CCSER1: variants seen among roughly 807,000 people sequenced by gnomAD.
The protein encoded by CCSER1 is serine-rich coiled-coil domain-containing protein 1.
In CCSER1, 41 loss-of-function variants were observed where a neutral mutation model predicts 82.0. That is an observed-to-expected ratio of 0.50 (90% CI 0.39 to 0.65). The LOEUF (loss-of-function observed/expected upper bound fraction) is 0.65. CCSER1 is among the 30% of genes least tolerant of loss of function. The pLI is 0.00. For synonymous variants in CCSER1, 414 were observed against 383.9 expected, an observed-to-expected ratio of 1.08 and a Z score of -0.92; for missense variants, 1,119 against 1,064.2, an observed-to-expected ratio of 1.05 and a Z score of -0.72.
intron 5 of CCSER1, among the ~76,000 whole-genome samples, chr4:90,591,689 C>T (rs1018195744): frequency 5.3e-5 from 8 of 152,082 alleles, no homozygotes; most frequent in Non-Finnish European, 8.8e-5. Flanking sequence ...ACTGGGTATA[C>T]ACCCAAAGGG....
chr4:90,211,100 G>A (rs917721351), intron 1 of CCSER1, among the ~76,000 whole-genome samples: 35 of 152,054 alleles, frequency 2.3e-4, no homozygotes, highest in African/African-American at 8.2e-4. Flanking sequence ...ACAATGATAG[G>A]GAACTTAGTA....
intron 5 of CCSER1, among the ~76,000 whole-genome samples, chr4:90,553,299 A>G (rs1479687641): frequency 6.6e-6 from 1 of 152,182 alleles, no homozygotes; most frequent in African/African-American, 2.4e-5. Flanking sequence ...CTTTAATTAA[A>G]TATTGGTGGT....
At chr4:91,464,309 A>G (rs1756718693) in intron 10 of CCSER1, among the ~76,000 whole-genome samples, 1 of 152,182 alleles carries the variant, frequency 6.6e-6, no homozygotes, top group Admixed American at 6.5e-5. Flanking sequence ...ATGCTGAGAG[A>G]TTTTGTCACC....
Position 91,004,544 on chromosome 4 carries a change from C to A in CCSER1, c.2172+81097C>A, listed in dbSNP as rs146861591. On this transcript the variant is annotated intron_variant, in intron 9 of 10. Transcript: ENST00000509176. ...GTCAGTGTAATTACTTTCTTGAGTT[C>A]TATGTGCATGGCAAATGAAAAATAA... Among the ~76,000 whole-genome samples, 10 of 152,252 alleles carry A rather than the reference C, an allele frequency of 6.6e-5. No individual in the cohort carries two copies. The East Asian group carries it at 1.9e-3, about 29-fold the overall frequency.
chr4:90,644,114 T>G (rs1727058650), intron 6 of CCSER1, among the ~76,000 whole-genome samples: 1 of 152,170 alleles, frequency 6.6e-6, no homozygotes, highest in African/African-American at 2.4e-5. Flanking sequence ...GTTCACAGGA[T>G]TTCTAAACAC....
chr4:91,538,083 A>G (rs1354774418), intron 10 of CCSER1, among the ~76,000 whole-genome samples: 2 of 152,060 alleles, frequency 1.3e-5, no homozygotes, highest in African/African-American at 4.8e-5. Context: ...AATTCATACA[A>G]CCACTATTCA....
chr4:90,581,243 A>G (rs1315502543), intron 5 of CCSER1, among the ~76,000 whole-genome samples: 4 of 152,178 alleles, frequency 2.6e-5, no homozygotes, highest in African/African-American at 4.8e-5. Context: ...ATGAATCAGC[A>G]CTAACATCCA....
intron 8 of CCSER1, among the ~76,000 whole-genome samples, chr4:90,917,371 G>A (rs1026703354): frequency 3.3e-5 from 5 of 152,074 alleles, no homozygotes; most frequent in South Asian, 2.1e-4. Context: ...GTAGGGACAT[G>A]GATGAAGCTG....
At chr4:91,539,407 A>C (rs1761472884) in intron 10 of CCSER1, among the ~76,000 whole-genome samples, 1 of 152,052 alleles carries the variant, frequency 6.6e-6, no homozygotes, top group Non-Finnish European at 1.5e-5. Flanking sequence ...TCTGAAGTTA[A>C]TATTCTTCAA....
chr4:91,054,702 ATTT>A (rs149064307), intron 9 of CCSER1, among the ~76,000 whole-genome samples: 4 of 142,250 alleles, frequency 2.8e-5, no homozygotes, highest in African/African-American at 7.5e-5. Flanking sequence ...CAGATTTGAG[ATTT>A]TTTTTTGGGG....
chr4:90,422,942 G>T (rs1054380292), intron 4 of CCSER1, among the ~76,000 whole-genome samples: 1 of 152,134 alleles, frequency 6.6e-6, no homozygotes, highest in African/African-American at 2.4e-5. Flanking sequence ...GCTTATCGTT[G>T]TAAATTCTTC....
At chr4:91,140,610 T>G (rs1728932482) in intron 10 of CCSER1, among the ~76,000 whole-genome samples, 1 of 152,134 alleles carries the variant, frequency 6.6e-6, no homozygotes, top group Non-Finnish European at 1.5e-5. Context: ...CCATACAACC[T>G]GTACATTTCT....
intron 5 of CCSER1, among the ~76,000 whole-genome samples, chr4:90,473,287 A>T (rs991952347): frequency 6.6e-6 from 1 of 152,284 alleles, no homozygotes; most frequent in Admixed American, 6.5e-5. Flanking sequence ...GAATGAAGGG[A>T]TTTTTGTGAC....
chr4:90,490,365 G>T (rs1273581479), intron 5 of CCSER1, among the ~76,000 whole-genome samples: 1 of 151,882 alleles, frequency 6.6e-6, no homozygotes, highest in East Asian at 1.9e-4. Flanking sequence ...TTTTTGATGG[G>T]GTTGTTTGTT....
intron 6 of CCSER1, among the ~76,000 whole-genome samples, chr4:90,705,907 A>G (rs1739251320): frequency 6.6e-6 from 1 of 151,980 alleles, no homozygotes; most frequent in African/African-American, 2.4e-5. Context: ...GAATTCCCTG[A>G]CCCCTTGCAC....
intron 10 of CCSER1, among the ~76,000 whole-genome samples, chr4:91,539,753 A>G (rs1761492266): frequency 6.6e-6 from 1 of 152,084 alleles, no homozygotes; most frequent in Non-Finnish European, 1.5e-5. Context: ...CAGTCTATCT[A>G]TCACCACCTA....
At chr4:90,809,330 A>G (rs947926818) in intron 7 of CCSER1, among the ~76,000 whole-genome samples, 16 of 151,762 alleles carry the variant, frequency 1.1e-4, no homozygotes, top group African/African-American at 3.6e-4. Flanking sequence ...ACACACACAC[A>G]CACACACACA....
At chr4:91,210,700 T>C (rs4693267) in intron 10 of CCSER1, among the ~76,000 whole-genome samples, 81,466 of 151,602 alleles carry the variant, frequency 0.54, 22,613 homozygotes, top group East Asian at 0.93. Context: ...TACTGTAGAT[T>C]GAAGAAGATA....
At chr4:91,290,431 G>C (rs975662696) in intron 10 of CCSER1, among the ~76,000 whole-genome samples, 39 of 152,040 alleles carry the variant, frequency 2.6e-4, no homozygotes, top group African/African-American at 8.9e-4. Context: ...AACCTCTACA[G>C]TAGCTGTCTT....
Sources: gnomAD v4.1 joint callset for allele counts (sites outside exome capture counted in the v4.1 genomes callset) on GRCh38, gnomAD v4.1.1 for gene constraint, MANE v1.5 for transcripts, NCBI Gene and HGNC (gene_info 2026-07-23, HGNC 2026-07-21) for gene names.